MAPK10: variants seen among roughly 807,000 people sequenced by gnomAD.
MAPK10 encodes the protein mitogen-activated protein kinase 10.
Under a neutral mutation model 59.3 loss-of-function variants are expected in MAPK10, and 25 were observed. The observed-to-expected ratio is 0.42, with a 90% CI of 0.31 to 0.59. The LOEUF (loss-of-function observed/expected upper bound fraction) is 0.59. Among genes scored for constraint, MAPK10 ranks in the 20% least tolerant of loss-of-function variants. MAPK10 has a pLI of 0.15. For missense variants in MAPK10, 351 were observed against 568.9 expected, an observed-to-expected ratio of 0.62 and a Z score of 3.90; for synonymous variants, 190 against 200.5, an observed-to-expected ratio of 0.95 and a Z score of 0.44.
intron 1 of MAPK10, among the ~76,000 whole-genome samples, chr4:86,475,437 CT>C (rs1753003300): frequency 6.6e-6 from 1 of 152,144 alleles, no homozygotes; most frequent in South Asian, 2.1e-4. Context: ...CCTCTTTCTC[CT>C]TTCAATCTTG....
rs191499662 is a variant in MAPK10 at position 86,035,269 on chromosome 4, G to A, written c.1111-3838C>T. On this transcript the variant is annotated intron_variant, in intron 11 of 13. Coordinates refer to ENST00000641462, the MANE Select transcript of MAPK10 (RefSeq NM_138982.4). ...ACCTGTAATCCCAGCTACTCGGGAG[G>A]CTGAGGCAGGAGAATCGCTTGAACC... 1.3e-3 allele frequency among the ~76,000 whole-genome samples: 195 copies of A among 151,268 alleles called. 1 individual carries two copies. Among genetic ancestry groups the A allele is most frequent in the African/African-American group, 4.6e-3 (190 of 41,084 alleles).
intron 1 of MAPK10, among the ~76,000 whole-genome samples, chr4:86,483,612 T>A (rs1753765341): frequency 6.6e-6 from 1 of 152,016 alleles, no homozygotes; most frequent in Non-Finnish European, 1.5e-5. Flanking sequence ...ATTAAAACAT[T>A]GGACAATATT....
At chr4:86,518,911 A>G (rs1398784158) in intron 1 of MAPK10, among the ~76,000 whole-genome samples, 1 of 152,010 alleles carries the variant, frequency 6.6e-6, no homozygotes, top group African/African-American at 2.4e-5. Flanking sequence ...ATTTCCATGT[A>G]TTTGTATAGT....
chr4:86,062,206 T>G (rs1459580706), intron 11 of MAPK10, among the ~76,000 whole-genome samples: 1 of 152,130 alleles, frequency 6.6e-6, no homozygotes, highest in Non-Finnish European at 1.5e-5. Flanking sequence ...GATCTGAGTC[T>G]AGATGTCAAG....
intron 1 of MAPK10, among the ~76,000 whole-genome samples, chr4:86,447,910 A>G (rs12503051): frequency 0.18 from 27,789 of 152,122 alleles, 2,716 homozygotes; most frequent in East Asian, 0.25. Flanking sequence ...GTGTAGCCTA[A>G]TGAGAGAATA....
chr4:86,415,469 T>G (rs1745751344), intron 1 of MAPK10, among the ~76,000 whole-genome samples: 1 of 152,178 alleles, frequency 6.6e-6, no homozygotes. Flanking sequence ...AAACGGGTAT[T>G]GTGAATCTCT....
intron 2 of MAPK10, among the ~76,000 whole-genome samples, chr4:86,295,446 T>G (rs188445545): frequency 7.4e-4 from 113 of 152,242 alleles, no homozygotes; most frequent in African/African-American, 2.6e-3. Context: ...ATTTTATGGA[T>G]GTAATTTTTT....
At chr4:86,091,364 C>G (rs2053106228) in intron 9 of MAPK10, 1 of 151,586 alleles carries the variant, frequency 6.6e-6, no homozygotes, top group South Asian at 2.1e-4. Context: ...AGAAAGGCAT[C>G]CTACATATTG....
At chr4:86,593,775 T>C (rs1215619506) in intron 1 of MAPK10, 1 of 152,196 alleles carries the variant, frequency 6.6e-6, no homozygotes, top group Non-Finnish European at 1.5e-5. Flanking sequence ...GTTGCTATAT[T>C]GCTGCAAGGA....
At chr4:86,020,934 C>T (rs375489581) in intron 13 of MAPK10, 2 of 152,228 alleles carry the variant, frequency 1.3e-5, no homozygotes, top group African/African-American at 2.4e-5. Context: ...AATGCTGGCT[C>T]GGGCAGCCTG....
intron 1 of MAPK10, among the ~76,000 whole-genome samples, chr4:86,446,014 C>A (rs556675666): frequency 6.6e-6 from 1 of 152,112 alleles, no homozygotes; most frequent in Non-Finnish European, 1.5e-5. Flanking sequence ...TCACAGATAA[C>A]AGTTTGTTCA....
chr4:86,164,783 T>C (rs571577121), intron 3 of MAPK10, among the ~76,000 whole-genome samples: 1 of 152,288 alleles, frequency 6.6e-6, no homozygotes, highest in South Asian at 2.1e-4. Context: ...CATACAGAGC[T>C]GTTCATTAAT....
intron 4 of MAPK10, among the ~76,000 whole-genome samples, chr4:86,155,189 C>G (rs2067404770): frequency 6.6e-6 from 1 of 151,690 alleles, no homozygotes; most frequent in Admixed American, 6.6e-5. Flanking sequence ...AAAGGGAGAA[C>G]TTTTTTTCAA....
intron 1 of MAPK10, among the ~76,000 whole-genome samples, chr4:86,435,949 C>G (rs1218923826): frequency 1.3e-5 from 2 of 152,136 alleles, no homozygotes; most frequent in Non-Finnish European, 2.9e-5. Context: ...CAATATCTAA[C>G]CACAAACTTA....
At chr4:86,457,615 C>T (rs1232757231), upstream of MAPK10, among the ~76,000 whole-genome samples, 1 of 152,032 alleles carries the variant, frequency 6.6e-6, no homozygotes, top group Admixed American at 6.6e-5. Flanking sequence ...GGTAAAAGAC[C>T]TCTACAAAGA....
intron 1 of MAPK10, among the ~76,000 whole-genome samples, chr4:86,592,200 A>G (rs1763091220): frequency 6.6e-6 from 1 of 152,068 alleles, no homozygotes; most frequent in African/African-American, 2.4e-5. Flanking sequence ...GTTAGTATTG[A>G]CTTTTACATT....
At chr4:86,558,179 A>G (rs1427690709) in intron 1 of MAPK10, among the ~76,000 whole-genome samples, 2 of 152,166 alleles carry the variant, frequency 1.3e-5, no homozygotes, top group Non-Finnish European at 2.9e-5. Flanking sequence ...CCAGGCTGAA[A>G]AATTAAATAT....
intron 1 of MAPK10, among the ~76,000 whole-genome samples, chr4:86,513,087 G>A (rs947044349): frequency 6.6e-6 from 1 of 151,278 alleles, no homozygotes; most frequent in Non-Finnish European, 1.5e-5. Flanking sequence ...TTTTTTTTTA[G>A]AGATGGGTCC....
chr4:86,312,310 T>C (rs902933790), intron 2 of MAPK10, among the ~76,000 whole-genome samples: 1 of 152,134 alleles, frequency 6.6e-6, no homozygotes, highest in Non-Finnish European at 1.5e-5. Flanking sequence ...TATTTAGTCA[T>C]CACAGTACAT....
Sources: gnomAD v4.1 joint callset for allele counts (sites outside exome capture counted in the v4.1 genomes callset) on GRCh38, gnomAD v4.1.1 for gene constraint, MANE v1.5 for transcripts, NCBI Gene and HGNC (gene_info 2026-07-23, HGNC 2026-07-21) for gene names.